DLG2: variants seen among roughly 807,000 people sequenced by gnomAD.
The protein encoded by DLG2 is discs large MAGUK scaffold protein 2, also known as disks large homolog 2.
A neutral mutation model predicts 132.5 loss-of-function variants in DLG2; 45 were observed. The ratio of observed to expected loss-of-function variants is 0.34; its 90% CI spans 0.27 to 0.44. The LOEUF is 0.44. DLG2 is among the 20% of genes least tolerant of loss of function. The pLI is 1.00. For synonymous variants in DLG2, 424 were observed against 419.6 expected, an observed-to-expected ratio of 1.01 and a Z score of -0.13; for missense variants, 1,045 against 1,196.9, an observed-to-expected ratio of 0.87 and a Z score of 1.87.
At chr11:85,119,135 G>A (rs2074009503) in intron 5 of DLG2, among the ~76,000 whole-genome samples, 1 of 151,816 alleles carries the variant, frequency 6.6e-6, no homozygotes, top group South Asian at 2.1e-4. Flanking sequence ...CAAATGTCAA[G>A]AACTTTAAAC....
At chr11:84,880,194 A>T (rs1310545143) in intron 6 of DLG2, among the ~76,000 whole-genome samples, 1 of 152,122 alleles carries the variant, frequency 6.6e-6, no homozygotes, top group African/African-American at 2.4e-5. Flanking sequence ...ATGCACAAGG[A>T]TAACCCTAAG....
chr11:83,833,566 T>G, intron 17 of DLG2, 48 bp downstream of exon 17: 1 of 1,516,690 alleles, frequency 6.6e-7, no homozygotes, highest in Non-Finnish European at 8.9e-7. Context: ...ACTTTTTCAT[T>G]GATGGCGTCA....
At chr11:84,496,403 G>A (rs1473440461) in intron 7 of DLG2, among the ~76,000 whole-genome samples, 2 of 152,108 alleles carry the variant, frequency 1.3e-5, no homozygotes, top group African/African-American at 4.8e-5. Flanking sequence ...GCTACTGGTT[G>A]TTATATTTTG....
rs189662073 is a variant in DLG2, at chr11:84,406,234, C to G, written c.519+128336G>C. ...CATACCTACCCACAAACACAGGTCT[C>G]TCTTCTCTGTCTGCCCTTGCCCTGC... On this transcript the variant is annotated intron_variant, in intron 7 of 27. Coordinates refer to ENST00000376104, the MANE Select transcript of DLG2 (RefSeq NM_001142699.3). Among the ~76,000 whole-genome samples, 5 of 152,248 alleles carry G rather than the reference C, an allele frequency of 3.3e-5. No homozygotes were observed. In the East Asian group the frequency reaches 5.8e-4, roughly 18 times the overall value.
chr11:85,167,699 C>T (rs1452430953), intron 4 of DLG2, among the ~76,000 whole-genome samples: 1 of 152,108 alleles, frequency 6.6e-6, no homozygotes, highest in Non-Finnish European at 1.5e-5. Flanking sequence ...CATAAAAATA[C>T]ACAGGTTTCC....
At chr11:85,018,676 T>C (rs899395723) in intron 6 of DLG2, among the ~76,000 whole-genome samples, 2 of 152,150 alleles carry the variant, frequency 1.3e-5, no homozygotes, top group Non-Finnish European at 2.9e-5. Flanking sequence ...TGAATATTCA[T>C]GCTCTGATGG....
chr11:83,806,226 T>C (rs1001068680), intron 17 of DLG2, among the ~76,000 whole-genome samples: 26 of 152,150 alleles, frequency 1.7e-4, no homozygotes, highest in African/African-American at 6.3e-4. Context: ...ATTTTGGTCC[T>C]TCTTTACTCT....
chr11:84,034,887 GATT>G (rs1323679118), intron 11 of DLG2, among the ~76,000 whole-genome samples: 1 of 152,164 alleles, frequency 6.6e-6, no homozygotes, highest in Non-Finnish European at 1.5e-5. Context: ...GACCTTAAAT[GATT>G]ATATCTGTGA....
intron 6 of DLG2, among the ~76,000 whole-genome samples, chr11:84,682,683 A>G (rs543602341): frequency 6.6e-6 from 1 of 152,294 alleles, no homozygotes; most frequent in African/African-American, 2.4e-5. Context: ...TAGGGCCTTG[A>G]GATGAGGCCC....
chr11:84,419,790 G>C (rs948478006), intron 7 of DLG2, among the ~76,000 whole-genome samples: 3 of 152,082 alleles, frequency 2.0e-5, no homozygotes, highest in Non-Finnish European at 2.9e-5. Flanking sequence ...CTGACAAAAG[G>C]CTACCCATTT....
At chr11:83,622,802 A>AT (rs757776532) in intron 19 of DLG2, among the ~76,000 whole-genome samples, 13 of 152,086 alleles carry the variant, frequency 8.5e-5, no homozygotes, top group Admixed American at 5.9e-4. Flanking sequence ...TTTTGAATTT[A>AT]TTGAGAATCA....
intron 4 of DLG2, among the ~76,000 whole-genome samples, chr11:85,171,846 G>T (rs1258215263): frequency 6.6e-6 from 1 of 152,244 alleles, no homozygotes; most frequent in African/African-American, 2.4e-5. Context: ...TGCCATGCCA[G>T]ATCATGGCCA....
At chr11:84,370,999 A>T (rs2098704008) in intron 7 of DLG2, among the ~76,000 whole-genome samples, 1 of 152,162 alleles carries the variant, frequency 6.6e-6, no homozygotes, top group Admixed American at 6.5e-5. Flanking sequence ...CACACTTTCC[A>T]TTCTGGCTTT....
chr11:85,478,968 GA>G (rs1221962445), intron 3 of DLG2, among the ~76,000 whole-genome samples: 3 of 152,240 alleles, frequency 2.0e-5, no homozygotes, highest in African/African-American at 7.2e-5. Flanking sequence ...TCTTTGAGCA[GA>G]AAAACTTTGT....
chr11:83,995,889 G>C (rs1565959893), intron 11 of DLG2, among the ~76,000 whole-genome samples: 1 of 152,074 alleles, frequency 6.6e-6, no homozygotes, highest in Non-Finnish European at 1.5e-5. Context: ...AAACATTGGG[G>C]AAGATTTCTA....
At chr11:84,224,236 T>C (rs1453419458) in intron 8 of DLG2, among the ~76,000 whole-genome samples, 1 of 152,218 alleles carries the variant, frequency 6.6e-6, no homozygotes, top group Non-Finnish European at 1.5e-5. Flanking sequence ...GGTCCAGGCA[T>C]TGACTGAAGT....
chr11:84,259,811 T>C (rs2097529225), intron 7 of DLG2, among the ~76,000 whole-genome samples: 1 of 152,060 alleles, frequency 6.6e-6, no homozygotes, highest in Admixed American at 6.5e-5. Flanking sequence ...TAACAGTAAG[T>C]AACTCGCCCA....
At chr11:84,407,291 C>T (rs1329389105) in intron 7 of DLG2, among the ~76,000 whole-genome samples, 1 of 152,014 alleles carries the variant, frequency 6.6e-6, no homozygotes, top group African/African-American at 2.4e-5. Flanking sequence ...AGGCAGGTGG[C>T]CAGGGCCCTG....
intron 6 of DLG2, among the ~76,000 whole-genome samples, chr11:84,825,498 TTAAGTTCAGGAA>T (rs1351273104): frequency 1.3e-5 from 2 of 151,926 alleles, no homozygotes; most frequent in Non-Finnish European, 1.5e-5. Context: ...CCAAAAGCAA[TTAAGTTCAGGAA>T]TGCCGTAAGC....
Sources: allele counts gnomAD v4.1 joint callset (sites outside exome capture counted in the v4.1 genomes callset), GRCh38; gene constraint gnomAD v4.1.1; transcripts MANE v1.5; gene names NCBI Gene and HGNC (gene_info 2026-07-23, HGNC 2026-07-21).